RXRG: variants seen among roughly 807,000 people sequenced by gnomAD.
RXRG encodes the protein retinoid X receptor gamma.
In RXRG, 19 loss-of-function variants were observed where a neutral mutation model predicts 49.2. That is an observed-to-expected ratio of 0.39 (90% CI 0.27 to 0.57). The LOEUF (loss-of-function observed/expected upper bound fraction) is 0.57. Ranked by LOEUF, RXRG falls within the 20% of genes least tolerant of loss-of-function variation. The pLI is 0.64. For synonymous variants in RXRG, 224 were observed against 216.6 expected, an observed-to-expected ratio of 1.03 and a Z score of -0.30; for missense variants, 452 against 592.5, an observed-to-expected ratio of 0.76 and a Z score of 2.46.
Position 165,401,197 on chromosome 1 carries a change from AG to A in RXRG, c.*65del. On this transcript the variant is annotated 3_prime_UTR_variant, in exon 10 of 10. Transcript: ENST00000359842. ...CAGGGTGGGAGGTGGAGGAAAGTGCAGGGTGGGGGTCCACACACACCTGCCC... is the reference window on the plus strand; with the variant it reads ...CAGGGTGGGAGGTGGAGGAAAGTGCAGGTGGGGGTCCACACACACCTGCCC... 1.1e-5 allele frequency: 16 copies of A among 1,494,796 alleles called. No individual in the cohort carries two copies. Among genetic ancestry groups the A allele is most frequent in the Non-Finnish European group, 1.3e-5 (14 of 1,087,872 alleles). The allele number at this position is 1,494,796 out of a possible 1,614,324, so 92.6% of individuals were successfully genotyped here.
At chr1:165,405,407 A>G (rs1487678499) in intron 9 of RXRG, among the ~76,000 whole-genome samples, 1 of 152,170 alleles carries the variant, frequency 6.6e-6, no homozygotes, top group Admixed American at 6.6e-5. Flanking sequence ...CCAAAATCCA[A>G]TATTTTCTTC....
At chr1:165,441,591 T>C (rs1362338809) in intron 1 of RXRG, among the ~76,000 whole-genome samples, 1 of 152,168 alleles carries the variant, frequency 6.6e-6, no homozygotes. Flanking sequence ...GTTATGAGGA[T>C]TACATGAGCC....
At chr1:165,419,803 T>C in intron 3 of RXRG, 67 bp downstream of exon 3, 1 of 1,389,982 alleles carries the variant, frequency 7.2e-7, no homozygotes, top group Non-Finnish European at 9.6e-7. Context: ...GTACAAAGTA[T>C]CCAGGCAGAC....
chr1:165,415,559 G>A (rs771465082), intron 4 of RXRG, among the ~76,000 whole-genome samples: 23 of 152,054 alleles, frequency 1.5e-4, no homozygotes, highest in Non-Finnish European at 3.1e-4. Context: ...TAGATTGGGG[G>A]GTTAGTGGTA....
chr1:165,442,778 T>A (rs1659047431), intron 1 of RXRG, among the ~76,000 whole-genome samples: 1 of 152,196 alleles, frequency 6.6e-6, no homozygotes, highest in South Asian at 2.1e-4. Context: ...ATTTTCACAA[T>A]ACTCTAAGGA....
intron 9 of RXRG, among the ~76,000 whole-genome samples, chr1:165,402,602 GCA>G (rs1657615968): frequency 6.6e-6 from 1 of 151,122 alleles, no homozygotes; most frequent in Non-Finnish European, 1.5e-5. Flanking sequence ...ACTCACACAC[GCA>G]CACTCACACT....
At chr1:165,432,486 A>G (rs1442729660) in intron 1 of RXRG, among the ~76,000 whole-genome samples, 2 of 152,350 alleles carry the variant, frequency 1.3e-5, no homozygotes, top group East Asian at 3.9e-4. Context: ...CTTTTATGAC[A>G]AAAGTGTTTC....
intron 1 of RXRG, chr1:165,437,123 G>T (rs1176098883): frequency 2.2e-6 from 3 of 1,367,114 alleles, no homozygotes; most frequent in Non-Finnish European, 2.9e-6. Context: ...GCCTCCTGGA[G>T]GGTTCAGGGC....
chr1:165,421,251 C>A (rs1267346660), intron 2 of RXRG, among the ~76,000 whole-genome samples: 1 of 152,168 alleles, frequency 6.6e-6, no homozygotes, highest in Non-Finnish European at 1.5e-5. Flanking sequence ...GCCTTTGGTG[C>A]TTTGTTTTGA....
chr1:165,410,560 T>A (rs1657910851), intron 6 of RXRG, 142 bp downstream of exon 6: 1 of 839,356 alleles, frequency 1.2e-6, no homozygotes, highest in Non-Finnish European at 1.7e-6. Context: ...CCTTTGGGAA[T>A]GAACAACCCC....
intron 2 of RXRG, among the ~76,000 whole-genome samples, chr1:165,423,368 T>G (rs1658384225): frequency 6.6e-6 from 1 of 152,218 alleles, no homozygotes; most frequent in Non-Finnish European, 1.5e-5. Context: ...AGAAACATAC[T>G]TGTCTGCTGG....
chr1:165,410,602 A>G lies in RXRG; in HGVS notation c.913+100T>C. The G allele has an allele frequency of 3.7e-6, 5 of 1,351,384 alleles. No individual in the cohort carries two copies. In the African/African-American group the frequency reaches 4.3e-5, roughly 12 times the overall value. The allele number at this position is 1,351,384 out of a possible 1,614,324, so 83.7% of individuals were successfully genotyped here. A position where few individuals can be genotyped will look rare whatever the true frequency, so the allele number is the denominator to read the frequency against. On this transcript the variant is annotated intron_variant, in intron 6 of 9. Coordinates refer to ENST00000359842, the MANE Select transcript of RXRG (RefSeq NM_006917.5). ...GGTTATTTCATCATCAGCATGGTAC[A>G]TAGCTTGGACATGTTGCAGCTCCAT...
intron 2 of RXRG, among the ~76,000 whole-genome samples, chr1:165,427,635 G>T (rs1474923386): frequency 1.3e-5 from 2 of 152,018 alleles, no homozygotes; most frequent in Non-Finnish European, 2.9e-5. Context: ...GTAGAGACGG[G>T]GTTTCACTGT....
intron 7 of RXRG, 109 bp downstream of exon 7, chr1:165,409,449 A>G: frequency 8.1e-7 from 1 of 1,237,362 alleles, no homozygotes; most frequent in Non-Finnish European, 1.0e-6. Context: ...CACTACCCAG[A>G]GGTTCATGCC....
At chr1:165,433,239 T>C (rs1013483560) in intron 1 of RXRG, among the ~76,000 whole-genome samples, 1 of 152,196 alleles carries the variant, frequency 6.6e-6, no homozygotes, top group Non-Finnish European at 1.5e-5. Context: ...GCCTTGATCC[T>C]GAACTTCCAA....
rs1571276217 is a variant in RXRG at position 165,420,097 on chromosome 1, GA to G, written c.298-84del. 7 of 1,096,676 alleles carry G rather than the reference GA, an allele frequency of 6.4e-6. No homozygotes were observed. In the East Asian group the frequency reaches 2.0e-4, roughly 31 times the overall value. 67.9% of individuals were successfully genotyped at this position (1,096,676 alleles called of 1,614,324 possible). The stretch of plus-strand genomic sequence containing the variant: ...CCTAAGGCAATGAGGGCTTACTCAA[GA>G]AAAAACAAGTTCTATTTCAAGAAAC... On this transcript the variant is annotated intron_variant, in intron 2 of 9. Coordinates refer to ENST00000359842, the MANE Select transcript of RXRG (RefSeq NM_006917.5).
intron 2 of RXRG, chr1:165,424,736 C>A (rs375998152): frequency 8.1e-6 from 8 of 981,878 alleles, no homozygotes; most frequent in Admixed American, 6.2e-5. Context: ...CCTTCACCCC[C>A]CAAATTGTAC....
At chr1:165,403,728 A>G (rs3767336) in intron 9 of RXRG, among the ~76,000 whole-genome samples, 6,481 of 152,336 alleles carry the variant, frequency 0.043, 166 homozygotes, top group East Asian at 0.071. Context: ...CTCTGTAAGT[A>G]CAAAGTTAGA....
chr1:165,437,627 G>A (rs1389650878), intron 1 of RXRG, among the ~76,000 whole-genome samples: 1 of 152,100 alleles, frequency 6.6e-6, no homozygotes, highest in Admixed American at 6.5e-5. Context: ...TCAAGAGCTG[G>A]GTGTGCACAT....
Sources: allele counts gnomAD v4.1 joint callset (sites outside exome capture counted in the v4.1 genomes callset), GRCh38; gene constraint gnomAD v4.1.1; transcripts MANE v1.5; gene names NCBI Gene and HGNC (gene_info 2026-07-23, HGNC 2026-07-21).